Variants in MLLT3 observed in about 807,000 individuals in gnomAD.
MLLT3 encodes MLLT3 super elongation complex subunit, also known as protein AF-9.
MLLT3 carries 4 observed loss-of-function variants against 53.2 expected under a neutral mutation model. The ratio of observed to expected loss-of-function variants is 0.08; its 90% CI spans 0.04 to 0.17. The LOEUF is 0.17. Ranked by LOEUF, MLLT3 falls within the 10% of genes least tolerant of loss-of-function variation. The pLI, the probability that MLLT3 is intolerant of heterozygous loss-of-function variation, is 1.00. For synonymous variants in MLLT3, 283 were observed against 230.6 expected (o/e 1.23, Z -2.06); for missense variants, 569 against 684.0 (o/e 0.83, Z 1.87).
rs552794562 is a variant in MLLT3 at position 20,542,609 on chromosome 9, G to C, written c.193+78045C>G. Among the ~76,000 whole-genome samples, 7 of 152,242 alleles carry C rather than the reference G, an allele frequency of 4.6e-5. No individual in the cohort carries two copies. In the South Asian group the frequency reaches 1.5e-3, roughly 32 times the overall value. On this transcript the variant is annotated intron_variant, in intron 2 of 10. Transcript: ENST00000380338. The stretch of plus-strand genomic sequence containing the variant: ...CTCAACAGTGGGTTTAAACTATTCA[G>C]TAAGCCATGCAGTAAACAGATGTGC...
intron 5 of MLLT3, among the ~76,000 whole-genome samples, chr9:20,407,676 C>T (rs1169137190): frequency 6.6e-6 from 1 of 152,190 alleles, no homozygotes; most frequent in Non-Finnish European, 1.5e-5. Context: ...CAAGTGGGTT[C>T]AAATCCTAGC....
chr9:20,502,226 G>A (rs1288160474), intron 2 of MLLT3: 3 of 154,164 alleles, frequency 1.9e-5, no homozygotes, highest in Non-Finnish European at 4.4e-5. Flanking sequence ...TGGCTTGACA[G>A]GGCACCACAA....
chr9:20,358,875 G>A (rs562732786), intron 8 of MLLT3, among the ~76,000 whole-genome samples: 4 of 152,024 alleles, frequency 2.6e-5, no homozygotes, highest in South Asian at 2.1e-4. Flanking sequence ...AAATATCATC[G>A]GCTGGGAGCG....
chr9:20,464,439 C>G (rs1824186492), intron 2 of MLLT3, among the ~76,000 whole-genome samples: 1 of 151,914 alleles, frequency 6.6e-6, no homozygotes, highest in Non-Finnish European at 1.5e-5. Context: ...AAACTTATAT[C>G]CACTGTTGGG....
rs1488030517 is a variant in MLLT3 at position 20,344,777 on chromosome 9, C to A, written c.*1666G>T. On this transcript the variant is annotated 3_prime_UTR_variant, in exon 11 of 11. Transcript: ENST00000380338. Reference sequence around the variant, plus strand: ...TATCAATCTGCATTTATATAACTGCCCAAAAGAATGGGTCTGGAAAGACCA... The same window carrying A: ...TATCAATCTGCATTTATATAACTGCACAAAAGAATGGGTCTGGAAAGACCA... 4.8e-6 allele frequency: 1 copy of A among 206,958 alleles called. No homozygotes were observed. Among genetic ancestry groups the A allele is most frequent in the Non-Finnish European group, 9.8e-6 (1 of 101,620 alleles). 12.8% of individuals were successfully genotyped at this position (206,958 alleles called of 1,614,324 possible). A position where few individuals can be genotyped will look rare whatever the true frequency, so the allele number is the denominator to read the frequency against.
chr9:20,525,835 G>C (rs1269009054), intron 2 of MLLT3, among the ~76,000 whole-genome samples: 1 of 152,174 alleles, frequency 6.6e-6, no homozygotes, highest in Non-Finnish European at 1.5e-5. Context: ...ACCGATTGTA[G>C]TCTAGGTTGA....
intron 2 of MLLT3, among the ~76,000 whole-genome samples, chr9:20,575,284 A>G (rs1819625225): frequency 6.6e-6 from 1 of 152,166 alleles, no homozygotes; most frequent in Middle Eastern, 3.2e-3. Flanking sequence ...GAAGGTTTCC[A>G]GTTTACTTTA....
At chr9:20,513,248 T>C (rs895109679) in intron 2 of MLLT3, among the ~76,000 whole-genome samples, 7 of 152,184 alleles carry the variant, frequency 4.6e-5, no homozygotes, top group African/African-American at 1.7e-4. Context: ...TTGTGGCCCT[T>C]GTCTGACCTG....
intron 2 of MLLT3, among the ~76,000 whole-genome samples, chr9:20,546,698 G>A (rs543628549): frequency 1.3e-5 from 2 of 152,310 alleles, no homozygotes; most frequent in African/African-American, 2.4e-5. Context: ...ATCCAGGAGA[G>A]GCCAACCCGG....
At chr9:20,422,552 C>T (rs941934350) in intron 4 of MLLT3, among the ~76,000 whole-genome samples, 1 of 152,202 alleles carries the variant, frequency 6.6e-6, no homozygotes, top group Non-Finnish European at 1.5e-5. Flanking sequence ...ATCATCCTAA[C>T]AGTTAAGCAA....
At chr9:20,447,436 C>T (rs1823732819) in intron 4 of MLLT3, among the ~76,000 whole-genome samples, 1 of 152,182 alleles carries the variant, frequency 6.6e-6, no homozygotes, top group Admixed American at 6.6e-5. Flanking sequence ...ATCCCAGTGA[C>T]ACTCATTGTC....
At chr9:20,582,087 G>C (rs1046923869) in intron 2 of MLLT3, among the ~76,000 whole-genome samples, 1 of 152,100 alleles carries the variant, frequency 6.6e-6, no homozygotes, top group East Asian at 1.9e-4. Flanking sequence ...AGCAGTTTTA[G>C]GTTTCAGAAA....
At chr9:20,457,261 T>TC (rs1341058819) in intron 2 of MLLT3, among the ~76,000 whole-genome samples, 20 of 143,164 alleles carry the variant, frequency 1.4e-4, no homozygotes, top group East Asian at 1.0e-3. Flanking sequence ...TTTTTTTTTT[T>TC]TTTTGAGACG....
chr9:20,361,921 A>G (rs1284744072), intron 7 of MLLT3, among the ~76,000 whole-genome samples: 1 of 152,250 alleles, frequency 6.6e-6, no homozygotes, highest in East Asian at 1.9e-4. Context: ...GTATTCAGAC[A>G]GACAAGATAC....
intron 5 of MLLT3, among the ~76,000 whole-genome samples, chr9:20,369,766 A>G (rs544543565): frequency 6.6e-6 from 1 of 152,366 alleles, no homozygotes; most frequent in East Asian, 1.9e-4. Context: ...CACACAAAAA[A>G]ATCATCATCA....
intron 2 of MLLT3, among the ~76,000 whole-genome samples, chr9:20,470,926 C>A (rs75674564): frequency 6.6e-6 from 1 of 151,956 alleles, no homozygotes; most frequent in African/African-American, 2.4e-5. Flanking sequence ...AGCAGTGAGA[C>A]ATTTAAAGAC....
chr9:20,441,458 G>A (rs1392731339), intron 4 of MLLT3, among the ~76,000 whole-genome samples: 1 of 152,072 alleles, frequency 6.6e-6, no homozygotes, highest in Non-Finnish European at 1.5e-5. Flanking sequence ...ACATTTATAT[G>A]TATGTTCCAC....
chr9:20,517,439 G>C (rs929427470), intron 2 of MLLT3, among the ~76,000 whole-genome samples: 25 of 150,906 alleles, frequency 1.7e-4, no homozygotes, highest in Admixed American at 1.6e-3. Context: ...CCTAGTGACA[G>C]AGTGAGACTC....
chr9:20,587,714 T>G (rs1456039349), intron 2 of MLLT3, among the ~76,000 whole-genome samples: 3 of 152,140 alleles, frequency 2.0e-5, no homozygotes, highest in South Asian at 2.1e-4. Flanking sequence ...TAAATTTGTT[T>G]GAGTTCATTG....
Sources: gnomAD v4.1 joint callset for allele counts (sites outside exome capture counted in the v4.1 genomes callset) on GRCh38, gnomAD v4.1.1 for gene constraint, MANE v1.5 for transcripts, NCBI Gene and HGNC (gene_info 2026-07-23, HGNC 2026-07-21) for gene names.